Variants in SLC24A3 observed in about 807,000 individuals in gnomAD.
SLC24A3 encodes the protein solute carrier family 24 member 3, also known as sodium/potassium/calcium exchanger 3.
A neutral mutation model predicts 75.8 loss-of-function variants in SLC24A3; 28 were observed. The observed-to-expected ratio is 0.37, with a 90% CI of 0.27 to 0.51. The LOEUF (loss-of-function observed/expected upper bound fraction) is 0.51. Ranked by LOEUF, SLC24A3 falls within the 20% of genes least tolerant of loss-of-function variation. SLC24A3 has a pLI of 0.94. For missense variants in SLC24A3, 663 were observed against 847.8 expected (o/e 0.78, Z 2.71); for synonymous variants, 372 against 334.1 (o/e 1.11, Z -1.24).
At chr20:19,280,843 G>A (rs779072777) in intron 1 of SLC24A3, 116 bp from the exon 2 acceptor site, 473 of 1,421,748 alleles carry the variant, frequency 3.3e-4, no homozygotes, top group Non-Finnish European at 4.2e-4. Flanking sequence ...CAGAGTGGCT[G>A]GGGGTGCAGG....
At chr20:19,279,689 C>G (rs537800711) in intron 1 of SLC24A3, among the ~76,000 whole-genome samples, 13 of 152,308 alleles carry the variant, frequency 8.5e-5, no homozygotes, top group Admixed American at 2.6e-4. Flanking sequence ...ATATATGTGC[C>G]TCCCACCCTT....
chr20:19,363,742 T>A (rs1159508547), intron 2 of SLC24A3, among the ~76,000 whole-genome samples: 1 of 152,240 alleles, frequency 6.6e-6, no homozygotes, highest in Non-Finnish European at 1.5e-5. Context: ...AACAATCGCT[T>A]ATTTTGTATT....
intron 2 of SLC24A3, among the ~76,000 whole-genome samples, chr20:19,488,680 A>G (rs919254642): frequency 3.9e-5 from 6 of 152,232 alleles, no homozygotes; most frequent in Non-Finnish European, 8.8e-5. Context: ...CAGGACCAGA[A>G]GTGTTTCAGA....
chr20:19,222,742 C>A (rs928889894), intron 1 of SLC24A3, among the ~76,000 whole-genome samples: 1 of 149,668 alleles, frequency 6.7e-6, no homozygotes, highest in African/African-American at 2.4e-5. Context: ...TTCCTTCCCT[C>A]CCTCCCTCCT....
chr20:19,510,422 T>C (rs1988519437), intron 2 of SLC24A3, among the ~76,000 whole-genome samples: 1 of 152,210 alleles, frequency 6.6e-6, no homozygotes, highest in South Asian at 2.1e-4. Flanking sequence ...TGTGTATAAG[T>C]TATGGTCTCT....
At chr20:19,434,245 T>A (rs1268335850) in intron 2 of SLC24A3, among the ~76,000 whole-genome samples, 3 of 152,238 alleles carry the variant, frequency 2.0e-5, no homozygotes, top group Non-Finnish European at 4.4e-5. Context: ...ACCGCTGAAC[T>A]GTATTCTCCC....
At chr20:19,665,825 G>A in intron 7 of SLC24A3, 39 bp from the exon 8 acceptor site, 1 of 1,498,564 alleles carries the variant, frequency 6.7e-7, no homozygotes, top group East Asian at 2.3e-5. Flanking sequence ...GTGTGTGTGT[G>A]TGTGTGTCTA....
At chr20:19,665,792 C>CGTGTGTGTGTGTGT (rs58371474) in intron 7 of SLC24A3, 72 bp from the exon 8 acceptor site, 18 of 1,203,302 alleles carry the variant, frequency 1.5e-5, no homozygotes, top group African/African-American at 1.3e-4. Flanking sequence ...AGCCTTAAAG[C>CGTGTGTGTGTGTGT]GTGTGTGTGT....
intron 12 of SLC24A3, among the ~76,000 whole-genome samples, chr20:19,692,702 A>C (rs907331615): frequency 6.6e-6 from 1 of 152,200 alleles, no homozygotes; most frequent in Admixed American, 6.5e-5. Context: ...GAGGTGAATT[A>C]GCAGTTAATC....
At chr20:19,631,880 A>G (rs2031939275) in intron 6 of SLC24A3, among the ~76,000 whole-genome samples, 1 of 151,884 alleles carries the variant, frequency 6.6e-6, no homozygotes, top group Non-Finnish European at 1.5e-5. Flanking sequence ...ACTCTGGGAA[A>G]TGTGAGTCTG....
At chr20:19,487,699 C>T (rs540476229) in intron 2 of SLC24A3, among the ~76,000 whole-genome samples, 9 of 152,298 alleles carry the variant, frequency 5.9e-5, no homozygotes, top group African/African-American at 2.2e-4. Context: ...TAGTCAGTCA[C>T]TGTGAGCTGA....
chr20:19,326,128 G>A (rs929535174), intron 2 of SLC24A3, among the ~76,000 whole-genome samples: 3 of 151,914 alleles, frequency 2.0e-5, no homozygotes, highest in African/African-American at 7.3e-5. Flanking sequence ...GTTCTGCCTG[G>A]CACGTGAATT....
chr20:19,384,937 T>C (rs1249155135), intron 2 of SLC24A3, among the ~76,000 whole-genome samples: 2 of 152,228 alleles, frequency 1.3e-5, no homozygotes, highest in African/African-American at 4.8e-5. Flanking sequence ...TTTTCTTGTA[T>C]ACCTGCTGGC....
intron 1 of SLC24A3, among the ~76,000 whole-genome samples, chr20:19,215,923 A>G (rs1015232774): frequency 6.6e-6 from 1 of 152,236 alleles, no homozygotes; most frequent in Admixed American, 6.5e-5. Flanking sequence ...AATTTAGGTC[A>G]GGAAGAATTA....
intron 2 of SLC24A3, among the ~76,000 whole-genome samples, chr20:19,291,610 A>G (rs1413161602): frequency 6.6e-6 from 1 of 152,188 alleles, no homozygotes; most frequent in African/African-American, 2.4e-5. Flanking sequence ...TGAAATGTCT[A>G]TAATAGAACA....
At chr20:19,312,502 C>G (rs544010563) in intron 2 of SLC24A3, among the ~76,000 whole-genome samples, 72 of 152,284 alleles carry the variant, frequency 4.7e-4, no homozygotes, top group Non-Finnish European at 8.8e-4. Context: ...CTTACCTCCT[C>G]CAGCCACTCT....
At chr20:19,303,075 C>CGTGG (rs1398386518) in intron 2 of SLC24A3, among the ~76,000 whole-genome samples, 1 of 151,462 alleles carries the variant, frequency 6.6e-6, no homozygotes, top group Non-Finnish European at 1.5e-5. Context: ...AACTGCATGT[C>CGTGG]GTGGGGGTTT....
chr20:19,315,250 T>A (rs1439038892), intron 2 of SLC24A3, among the ~76,000 whole-genome samples: 1 of 152,120 alleles, frequency 6.6e-6, no homozygotes, highest in Admixed American at 6.5e-5. Flanking sequence ...AAACTAGGCA[T>A]GTTTTAAATG....
chr20:19,301,650 G>A (rs966084209), intron 2 of SLC24A3, among the ~76,000 whole-genome samples: 2 of 152,044 alleles, frequency 1.3e-5, no homozygotes, highest in Non-Finnish European at 2.9e-5. Context: ...TTTCCTCATG[G>A]CATACTTTTG....
Sources: gnomAD v4.1 joint callset for allele counts (sites outside exome capture counted in the v4.1 genomes callset) on GRCh38, gnomAD v4.1.1 for gene constraint, MANE v1.5 for transcripts, NCBI Gene and HGNC (gene_info 2026-07-23, HGNC 2026-07-21) for gene names.